The following DSG3 variants were observed in gnomAD, a reference collection of about 807,000 sequenced individuals.
DSG3 encodes desmoglein-3.
DSG3 carries 63 observed loss-of-function variants against 85.9 expected under a neutral mutation model. That is an observed-to-expected ratio of 0.73 (90% CI 0.60 to 0.90). The LOEUF is 0.90. Ranked by LOEUF, DSG3 falls within the 40% of genes least tolerant of loss-of-function variation. The pLI is 0.00. For synonymous variants in DSG3, 447 were observed against 441.9 expected, an observed-to-expected ratio of 1.01 and a Z score of -0.14; for missense variants, 1,220 against 1,219.9, an observed-to-expected ratio of 1.00 and a Z score of 0.00.
At chr18:31,448,567 G>A (rs1372972060) in intron 1 of DSG3, among the ~76,000 whole-genome samples, 1 of 150,556 alleles carries the variant, frequency 6.6e-6, no homozygotes, top group African/African-American at 2.5e-5. Flanking sequence ...GTCGTACATA[G>A]TATTATCTAA....
intron 15 of DSG3, 127 bp from the exon 16 acceptor site, chr18:31,475,517 AGT>A: frequency 9.0e-7 from 1 of 1,111,590 alleles, no homozygotes; most frequent in Non-Finnish European, 1.3e-6. Context: ...GTTAATAGAC[AGT>A]GTCCTTTATT....
intron 1 of DSG3, among the ~76,000 whole-genome samples, chr18:31,453,605 T>C (rs969421165): frequency 1.3e-5 from 2 of 152,216 alleles, no homozygotes; most frequent in Non-Finnish European, 1.5e-5. Flanking sequence ...ATTTAATAAT[T>C]AGATTTGCTT....
chr18:31,464,667 G>A (rs1196696965), intron 9 of DSG3, among the ~76,000 whole-genome samples: 1 of 152,170 alleles, frequency 6.6e-6, no homozygotes, highest in Non-Finnish European at 1.5e-5. Flanking sequence ...ACTTACAGTT[G>A]AGTCTTACAA....
In DSG3 at chr18:31,472,758, G is replaced by A; in HGVS notation, c.2071G>A (p.Ala691Thr). 1 of 1,614,034 alleles carries A rather than the reference G, an allele frequency of 6.2e-7. No individual in the cohort carries two copies. The highest frequency in any genetic ancestry group is 8.5e-7 in the Non-Finnish European group (1 of 1,179,948). The change falls in exon 14 of 16, where the codon GCC becomes ACC. Residue 691 changes from alanine to threonine, a missense_variant. Physicochemically the swap from Ala to Thr is moderately conservative, Grantham distance 58. Transcript: ENST00000257189. The part of the protein sequence containing the change: ...ITNICVPPVT[A>T]NGADFMESSE... Reference sequence around the variant, plus strand: ...AAATATTTGTGTGCCTCCTGTAACAGCCAATGGAGCCGATTTCATGGAAAG... The same window carrying A: ...AAATATTTGTGTGCCTCCTGTAACAACCAATGGAGCCGATTTCATGGAAAG...
chr18:31,453,555 CATATGGAT>C (rs1188066163), intron 1 of DSG3, among the ~76,000 whole-genome samples: 5 of 152,082 alleles, frequency 3.3e-5, no homozygotes, highest in African/African-American at 1.2e-4. Flanking sequence ...ACAAATAGAG[CATATGGAT>C]ATCAAATTGC....
intron 1 of DSG3, among the ~76,000 whole-genome samples, chr18:31,451,446 T>G (rs1258589182): frequency 6.6e-6 from 1 of 152,210 alleles, no homozygotes; most frequent in African/African-American, 2.4e-5. Context: ...AATACCAAGT[T>G]TGAGTTAGCA....
chr18:31,450,653 CAT>C (rs1471024713), intron 1 of DSG3, among the ~76,000 whole-genome samples: 4 of 152,148 alleles, frequency 2.6e-5, no homozygotes, highest in African/African-American at 9.7e-5. Flanking sequence ...ATAGCAAAGT[CAT>C]AGACTTAAAT....
In DSG3 at chr18:31,472,361, C is replaced by T; in HGVS notation, c.1975C>T (p.Pro659Ser). ...AGTGACAGGTGGTTTTATCCCAGTT[C>T]CTGATGGCTCAGAAGGAACAATTCA... ...GGVTGGFIPV[P>S]DGSEGTIHQW... Residue 659 changes from proline (P) to serine (S), a missense_variant, in exon 13 of 16, where the codon CCT becomes TCT. By Grantham distance (74) the Pro-to-Ser change is moderately conservative. Transcript: ENST00000257189. 1 of 1,614,098 alleles carries T rather than the reference C, an allele frequency of 6.2e-7. No homozygotes were observed. Among genetic ancestry groups the T allele is most frequent in the Non-Finnish European group, 8.5e-7 (1 of 1,180,002 alleles).
chr18:31,465,370 G>A lies in DSG3; in HGVS notation c.1324G>A (p.Ala442Thr). The change falls in exon 10 of 16, where the codon GCT (alanine) becomes ACT (threonine). Residue 442 changes from alanine to threonine, a missense_variant. Coordinates refer to ENST00000257189, the MANE Select transcript of DSG3 (RefSeq NM_001944.3). ...GGYLMIDSKT[A>T]EIKFVKNMNR... ...ATACCTAATGATTGATTCAAAAACT[G>A]CTGAAATCAAATTTGTCAAAAATAT... 6.5e-7 allele frequency: 1 copy of A among 1,542,730 alleles called. No homozygotes were observed. The highest frequency in any genetic ancestry group is 8.7e-7 in the Non-Finnish European group (1 of 1,144,530).
chr18:31,451,013 C>T (rs769640317), intron 1 of DSG3, among the ~76,000 whole-genome samples: 2 of 151,804 alleles, frequency 1.3e-5, no homozygotes, highest in Non-Finnish European at 2.9e-5. Context: ...TTTAAATTGA[C>T]AGGAAAAAAT....
chr18:31,474,671 C>T (rs1029017845), intron 15 of DSG3, among the ~76,000 whole-genome samples: 1 of 152,138 alleles, frequency 6.6e-6, no homozygotes, highest in Non-Finnish European at 1.5e-5. Flanking sequence ...GGGAGGATTG[C>T]TTGCACCCAG....
chr18:31,478,172 G>A lies in DSG3; in HGVS notation c.*1912G>A. The A allele has an allele frequency of 6.6e-6, 1 of 152,324 alleles. No individual in the cohort carries two copies. Among genetic ancestry groups the A allele is most frequent in the Non-Finnish European group, 1.5e-5 (1 of 68,048 alleles). The allele number at this position is 152,324 out of a possible 1,614,324, so 9.4% of individuals were successfully genotyped here. ...GGTGGGAGAAGCTAGATCCTGTGCA[G>A]CAGCCTGGTAAGTCCTGAGGAGGTT... On this transcript the variant is annotated 3_prime_UTR_variant, in exon 16 of 16. Coordinates refer to ENST00000257189, the MANE Select transcript of DSG3 (RefSeq NM_001944.3).
chr18:31,475,739 C>T lies in DSG3; in HGVS notation c.2479C>T (p.Pro827Ser), dbSNP rs1404523614. 1 of 1,614,150 alleles carries T rather than the reference C, an allele frequency of 6.2e-7. No individual in the cohort carries two copies. Among genetic ancestry groups the T allele is most frequent in the South Asian group, 1.1e-5 (1 of 91,080 alleles). ...DNEGADATGS[P>S]VGSVGCCSFI... is the part of the protein sequence containing the mutation. The stretch of plus-strand genomic sequence containing the variant: ...TGAAGGCGCAGATGCCACTGGTTCT[C>T]CTGTGGGCTCCGTGGGTTGTTGCAG... Residue 827 changes from proline (P) to serine (S), a missense_variant, in exon 16 of 16, where the codon CCT becomes TCT. Transcript: ENST00000257189.
chr18:31,464,608 G>C (rs1398846414), intron 9 of DSG3, among the ~76,000 whole-genome samples: 1 of 152,158 alleles, frequency 6.6e-6, no homozygotes, highest in Non-Finnish European at 1.5e-5. Flanking sequence ...GAAACCAAGG[G>C]AAGAATGCCT....
intron 11 of DSG3, among the ~76,000 whole-genome samples, chr18:31,468,771 T>C (rs1187801140): frequency 1.3e-5 from 2 of 152,168 alleles, no homozygotes; most frequent in Non-Finnish European, 2.9e-5. Flanking sequence ...GAGAGCTCTG[T>C]CCTCATGCAT....
intron 10 of DSG3, 83 bp downstream of exon 10, chr18:31,465,540 C>A: frequency 1.7e-6 from 2 of 1,209,494 alleles, no homozygotes; most frequent in Non-Finnish European, 1.1e-6. Flanking sequence ...GATTATTCAA[C>A]ATATTATCTT....
chr18:31,462,818 T>G (rs1314876421), intron 8 of DSG3, among the ~76,000 whole-genome samples: 1 of 152,196 alleles, frequency 6.6e-6, no homozygotes, highest in Non-Finnish European at 1.5e-5. Flanking sequence ...GTTCTCCTCA[T>G]TCTTACCAGT....
At chr18:31,460,472 C>A (rs552297669) in intron 6 of DSG3, among the ~76,000 whole-genome samples, 31 of 152,066 alleles carry the variant, frequency 2.0e-4, no homozygotes, top group Non-Finnish European at 4.3e-4. Context: ...CATTACCTAC[C>A]ACCACCACCT....
chr18:31,475,818 T>C lies in DSG3; in HGVS notation c.2558T>C (p.Phe853Ser). 6.2e-7 allele frequency: 1 copy of C among 1,614,116 alleles called. No homozygotes were observed. Residue 853 changes from phenylalanine to serine, a missense_variant, in exon 16 of 16, where the codon TTT becomes TCT. Phe to Ser is a radical substitution (Grantham distance 155). Transcript: ENST00000257189. ...DSFLDSLGPK[F>S]KKLAEISLGV... ...TTCTTGGACTCACTTGGACCCAAAT[T>C]TAAAAAACTTGCAGAGATAAGCCTT...
Sources: allele counts gnomAD v4.1 joint callset (sites outside exome capture counted in the v4.1 genomes callset), GRCh38; gene constraint gnomAD v4.1.1; transcripts MANE v1.5; gene names NCBI Gene and HGNC (gene_info 2026-07-23, HGNC 2026-07-21).